Variants in DNAJB1 observed in about 807,000 individuals in gnomAD.
DNAJB1 encodes the protein DnaJ heat shock protein family (Hsp40) member B1, also known as dnaJ homolog subfamily B member 1.
Under a neutral mutation model 24.0 loss-of-function variants are expected in DNAJB1, and 14 were observed. That is an observed-to-expected ratio of 0.58 (90% CI 0.39 to 0.91). The LOEUF is 0.91. Among genes scored for constraint, DNAJB1 ranks in the 40% least tolerant of loss-of-function variants. DNAJB1 has a pLI of 0.00. For missense variants in DNAJB1, 517 were observed against 458.1 expected (o/e 1.13, Z -1.17); for synonymous variants, 262 against 174.4 (o/e 1.50, Z -3.96).
At chr19:14,537,228 C>T (rs1751301949) in intron 1 of DNAJB1, among the ~76,000 whole-genome samples, 1 of 103,456 alleles carries the variant, frequency 9.7e-6, no homozygotes, top group African/African-American at 4.0e-5. Context: ...GGAGGCGGGG[C>T]AAGAAGGAAG....
chr19:14,529,552 G>A (rs1449856983), upstream of DNAJB1: 2 of 1,270,564 alleles, frequency 1.6e-6, no homozygotes, highest in Admixed American at 1.8e-5. Flanking sequence ...TTGGCCGACG[G>A]GGCGCGCGCG....
chr19:14,529,417 TACAGGCGTTCCGCCCCCTTCG>T, upstream of DNAJB1: 1 of 601,012 alleles, frequency 1.7e-6, no homozygotes, highest in Non-Finnish European at 3.0e-6. Flanking sequence ...TAGCCCCTCC[TACAGGCGTTCCGCCCCCTTCG>T]ATTGGTCTCG....
chr19:14,526,707 A>AGTAGG (rs959986081), intron 2 of DNAJB1, among the ~76,000 whole-genome samples: 1 of 152,180 alleles, frequency 6.6e-6, no homozygotes, highest in African/African-American at 2.4e-5. Flanking sequence ...TCTCTTCAAA[A>AGTAGG]TGACACCTAC....
chr19:14,530,091 G>C (rs866103795), upstream of DNAJB1: 3 of 357,586 alleles, frequency 8.4e-6, no homozygotes, highest in South Asian at 5.1e-5. Flanking sequence ...CCACGCCGCC[G>C]TCACCAGCGT....
upstream of DNAJB1, among the ~76,000 whole-genome samples, chr19:14,519,741 T>C (rs73519885): frequency 6.7e-3 from 1,023 of 152,322 alleles, 15 homozygotes; most frequent in African/African-American, 0.023. Flanking sequence ...CACGTGCTTC[T>C]TTTTCTTCCC....
chr19:14,525,975 A>G (rs1229015211), intron 2 of DNAJB1, among the ~76,000 whole-genome samples: 2 of 152,116 alleles, frequency 1.3e-5, no homozygotes, highest in Non-Finnish European at 2.9e-5. Flanking sequence ...TCATTCATAC[A>G]CAACCCAAAC....
intron 1 of DNAJB1, among the ~76,000 whole-genome samples, chr19:14,548,725 G>A (rs1357498525): frequency 6.6e-6 from 1 of 152,054 alleles, no homozygotes; most frequent in African/African-American, 2.4e-5. Flanking sequence ...TTACAGGCAC[G>A]CATCACCACG....
chr19:14,550,325 GC>G (rs1424766538), exon 1 of DNAJB1, among the ~76,000 whole-genome samples: 2 of 152,164 alleles, frequency 1.3e-5, no homozygotes, highest in Non-Finnish European at 2.9e-5. Context: ...TATAAAGCCT[GC>G]CACGTAGATC....
At chr19:14,549,662 A>G (rs949997340) in intron 1 of DNAJB1, among the ~76,000 whole-genome samples, 1 of 151,656 alleles carries the variant, frequency 6.6e-6, no homozygotes, top group African/African-American at 2.4e-5. Flanking sequence ...AAAATACTGT[A>G]GGCCAGGCGC....
chr19:14,539,635 T>C (rs1208974516), intron 1 of DNAJB1, among the ~76,000 whole-genome samples: 5 of 152,110 alleles, frequency 3.3e-5, no homozygotes, highest in African/African-American at 1.2e-4. Context: ...GTTACTATGC[T>C]ACTGTCTTTC....
chr19:14,551,706 CTG>C (rs1281307257), upstream of DNAJB1, among the ~76,000 whole-genome samples: 4 of 152,010 alleles, frequency 2.6e-5, no homozygotes, highest in Admixed American at 6.6e-5. Flanking sequence ...TACAGCCTGG[CTG>C]TGTGAGGCTG....
rs2072254502 is a variant in DNAJB1, at chr19:14,516,111, T to C, written c.852A>G (p.Val284=). 3 of 1,613,660 alleles carry C rather than the reference T, an allele frequency of 1.9e-6. No individual in the cohort carries two copies. The highest frequency in any genetic ancestry group is 8.5e-7 in the Non-Finnish European group (1 of 1,179,950). ...TGCCAGGCCTGATAACATCTTTGAATACGACGGGTATCGTCCTGCCGTCCA... is the reference window on the plus strand; with the variant it reads ...TGCCAGGCCTGATAACATCTTTGAACACGACGGGTATCGTCCTGCCGTCCA... The part of the protein sequence containing the change: ...PTLDGRTIPV[V]FKDVIRPGMR... Residue 284 remains valine, a synonymous_variant, in exon 3 of 3, where the codon GTA becomes GTG. Coordinates refer to ENST00000254322, the MANE Select transcript of DNAJB1 (RefSeq NM_006145.3).
intron 1 of DNAJB1, chr19:14,545,231 G>C (rs2073260203): frequency 8.8e-6 from 4 of 456,518 alleles, no homozygotes; most frequent in South Asian, 3.1e-5. Flanking sequence ...CTGCTTAGCT[G>C]CTCCCCCTAA....
At position 14,516,195 on chromosome 19, in the gene DNAJB1, A is replaced by C. The variant is rs189955221; in HGVS notation, c.793-25T>G. On this transcript the variant is annotated intron_variant, in intron 2 of 2. Coordinates refer to ENST00000254322, the MANE Select transcript of DNAJB1 (RefSeq NM_006145.3). ...CCTTGAAAAGCAAAAGGACAGCATT[A>C]GATGGAAGCTGGCTCAAGAGGCTCA... The C allele has an allele frequency of 2.5e-6, 4 of 1,612,316 alleles. No individual in the cohort carries two copies. The East Asian group carries it at 8.9e-5, about 36-fold the overall frequency.
upstream of DNAJB1, among the ~76,000 whole-genome samples, chr19:14,518,921 T>C (rs1359164184): frequency 1.3e-5 from 2 of 152,156 alleles, no homozygotes; most frequent in African/African-American, 2.4e-5. Flanking sequence ...CCCCCTTCTA[T>C]CTACAACATG....
chr19:14,535,802 T>G (rs1203845453), intron 1 of DNAJB1, among the ~76,000 whole-genome samples: 42 of 142,066 alleles, frequency 3.0e-4, no homozygotes, highest in African/African-American at 1.0e-3. Flanking sequence ...CCTTGAGCTG[T>G]GGTGAGCTAT....
chr19:14,524,463 C>T (rs889690605), intron 2 of DNAJB1, among the ~76,000 whole-genome samples: 1 of 152,042 alleles, frequency 6.6e-6, no homozygotes, highest in Non-Finnish European at 1.5e-5. Context: ...TTCCAAGCTG[C>T]AGTGAGCTAT....
At chr19:14,520,009 C>A (rs1261699556), upstream of DNAJB1, among the ~76,000 whole-genome samples, 4 of 152,190 alleles carry the variant, frequency 2.6e-5, no homozygotes, top group Non-Finnish European at 5.9e-5. Flanking sequence ...GACAGCTGGG[C>A]TTCATTCCCA....
At chr19:14,550,873 T>C (rs146733010), upstream of DNAJB1, among the ~76,000 whole-genome samples, 38 of 152,046 alleles carry the variant, frequency 2.5e-4, no homozygotes, top group East Asian at 6.0e-3. Context: ...GGTTTCACCA[T>C]GTTAGCCAGG....
Sources: gnomAD v4.1 joint callset for allele counts (sites outside exome capture counted in the v4.1 genomes callset) on GRCh38, gnomAD v4.1.1 for gene constraint, MANE v1.5 for transcripts, NCBI Gene and HGNC (gene_info 2026-07-23, HGNC 2026-07-21) for gene names.